The following TMEM178B variants were observed in gnomAD, a reference collection of about 807,000 sequenced individuals.
The protein encoded by TMEM178B is transmembrane protein 178B.
A neutral mutation model predicts 31.0 loss-of-function variants in TMEM178B; 5 were observed. That is an observed-to-expected ratio of 0.16 (90% CI 0.08 to 0.34). The LOEUF is 0.34. Among genes scored for constraint, TMEM178B ranks in the 10% least tolerant of loss-of-function variants. The pLI is 1.00. For synonymous variants in TMEM178B, 164 were observed against 164.0 expected, an observed-to-expected ratio of 1.00 and a Z score of 0.00; for missense variants, 275 against 400.3, an observed-to-expected ratio of 0.69 and a Z score of 2.67.
At chr7:141,111,924 T>C (rs1454795203) in intron 1 of TMEM178B, among the ~76,000 whole-genome samples, 1 of 152,230 alleles carries the variant, frequency 6.6e-6, no homozygotes, top group Non-Finnish European at 1.5e-5. Context: ...CTGAAGTGTG[T>C]GTATTAATTT....
chr7:141,231,325 A>AG (rs1797440094), intron 2 of TMEM178B, among the ~76,000 whole-genome samples: 1 of 151,558 alleles, frequency 6.6e-6, no homozygotes, highest in African/African-American at 2.4e-5. Flanking sequence ...AAAAAAAAAA[A>AG]CACGACAAGG....
rs76513490 is a variant in TMEM178B at position 141,446,827 on chromosome 7, A to G, written c.634+9082A>G. Among the ~76,000 whole-genome samples the G allele has an allele frequency of 4.6e-5, 7 of 152,250 alleles. No individual in the cohort carries two copies. In the East Asian group the frequency reaches 1.2e-3, roughly 25 times the overall value. ...TGAAGGGCTCACAACAATGCCTGGC[A>G]TTGTGCTGAATACCTTTTAAGTTAT... On this transcript the variant is annotated intron_variant, in intron 3 of 3. Transcript: ENST00000565468.
At chr7:141,335,565 A>C (rs987748994) in intron 2 of TMEM178B, among the ~76,000 whole-genome samples, 1 of 152,184 alleles carries the variant, frequency 6.6e-6, no homozygotes, top group African/African-American at 2.4e-5. Context: ...CCCCCAGCTC[A>C]TGAGAAGTTT....
intron 2 of TMEM178B, among the ~76,000 whole-genome samples, chr7:141,250,606 G>A (rs1170658035): frequency 6.6e-6 from 1 of 152,106 alleles, no homozygotes; most frequent in African/African-American, 2.4e-5. Context: ...GCTAAGTGGG[G>A]GCTCTGTGCT....
chr7:141,275,275 C>G (rs1224941094), intron 2 of TMEM178B, among the ~76,000 whole-genome samples: 1 of 152,204 alleles, frequency 6.6e-6, no homozygotes, highest in African/African-American at 2.4e-5. Context: ...CCCAGCAAGG[C>G]TCTACCCAAG....
intron 1 of TMEM178B, among the ~76,000 whole-genome samples, chr7:141,156,681 T>G (rs1248323307): frequency 6.6e-6 from 1 of 152,256 alleles, no homozygotes; most frequent in African/African-American, 2.4e-5. Flanking sequence ...CTTGCTTTCA[T>G]GCTTTTTGAC....
At chr7:141,401,592 T>TA (rs1800773358) in intron 2 of TMEM178B, among the ~76,000 whole-genome samples, 1 of 152,234 alleles carries the variant, frequency 6.6e-6, no homozygotes, top group African/African-American at 2.4e-5. Context: ...TTTTTTTATT[T>TA]TTTTATTTTT....
intron 2 of TMEM178B, among the ~76,000 whole-genome samples, chr7:141,217,544 T>TG (rs1002022998): frequency 2.0e-5 from 3 of 152,266 alleles, no homozygotes; most frequent in African/African-American, 7.2e-5. Context: ...TGCCTGAGGT[T>TG]GCAGGGCAGA....
intron 2 of TMEM178B, among the ~76,000 whole-genome samples, chr7:141,332,811 G>A (rs1210990139): frequency 6.6e-6 from 1 of 152,194 alleles, no homozygotes; most frequent in East Asian, 1.9e-4. Context: ...CCACCTTGTA[G>A]TGAGTGTTGC....
intron 2 of TMEM178B, among the ~76,000 whole-genome samples, chr7:141,221,206 T>G (rs1797252045): frequency 6.6e-6 from 1 of 152,226 alleles, no homozygotes; most frequent in Non-Finnish European, 1.5e-5. Flanking sequence ...CTTTGTCCTC[T>G]AGGGGAACTG....
chr7:141,129,161 C>T (rs1475864736), intron 1 of TMEM178B, among the ~76,000 whole-genome samples: 4 of 152,140 alleles, frequency 2.6e-5, no homozygotes, highest in African/African-American at 4.8e-5. Context: ...GATGTTCATT[C>T]GTGTGTCCTG....
chr7:141,413,463 C>T (rs1801032484), intron 2 of TMEM178B, among the ~76,000 whole-genome samples: 1 of 152,186 alleles, frequency 6.6e-6, no homozygotes, highest in Non-Finnish European at 1.5e-5. Context: ...ATTAAAAAGA[C>T]TTCTGCCCAT....
At chr7:141,243,169 T>C (rs1214030964) in intron 2 of TMEM178B, among the ~76,000 whole-genome samples, 4 of 152,108 alleles carry the variant, frequency 2.6e-5, no homozygotes. Flanking sequence ...TTGCCTTTTT[T>C]TCGGGTCATT....
At position 141,472,383 on chromosome 7, in the gene TMEM178B, C is replaced by T. The variant is rs1010048829; in HGVS notation, c.*1597C>T. On this transcript the variant is annotated 3_prime_UTR_variant, in exon 4 of 4. Transcript: ENST00000565468. The stretch of plus-strand genomic sequence containing the variant: ...CCAAACAGAGGTGGAATAAATCCAC[C>T]CCAGTGTCTCGGGCTCATTTGAGCA... 5.9e-5 allele frequency: 9 copies of T among 152,138 alleles called. No individual in the cohort carries two copies. Among genetic ancestry groups the T allele is most frequent in the African/African-American group, 2.2e-4 (9 of 41,422 alleles). 9.4% of individuals were successfully genotyped at this position (152,138 alleles called of 1,614,324 possible). A position where few individuals can be genotyped will look rare whatever the true frequency, so the allele number is the denominator to read the frequency against.
At chr7:141,214,689 A>G (rs1402081145) in intron 2 of TMEM178B, among the ~76,000 whole-genome samples, 2 of 152,110 alleles carry the variant, frequency 1.3e-5, no homozygotes, top group Admixed American at 6.6e-5. Flanking sequence ...CAGAGAGGAG[A>G]GGATAATGCC....
chr7:141,437,750 G>A lies in TMEM178B; in HGVS notation c.634+5G>A. 6.5e-7 allele frequency: 1 copy of A among 1,536,172 alleles called. No individual in the cohort carries two copies. Among genetic ancestry groups the A allele is most frequent in the Non-Finnish European group, 8.7e-7 (1 of 1,146,882 alleles). ...GGCTGCTCTTCCTCATGGGAGGTAAGGCTACGGGCTCGGCTTGTGGGTGGC... is the reference window on the plus strand; with the variant it reads ...GGCTGCTCTTCCTCATGGGAGGTAAAGCTACGGGCTCGGCTTGTGGGTGGC... On this transcript the variant is annotated splice_donor_5th_base_variant and intron_variant, in intron 3 of 3. Transcript: ENST00000565468.
rs1802235279 is a variant in TMEM178B, at chr7:141,471,159, CG to C, written c.*374del. ...CACCCACTGGGTCAACGGGAGAGGA[CG>C]CCACCCCTAACCAGTCATATCACAG... is the stretch of plus-strand genomic sequence containing the variant. On this transcript the variant is annotated 3_prime_UTR_variant, in exon 4 of 4. Transcript: ENST00000565468. The surrounding 1 kb of genome is among the most constrained non-coding windows in gnomAD (Gnocchi z 4.1). 1 of 152,156 alleles carries C rather than the reference CG, an allele frequency of 6.6e-6. No homozygotes were observed. Among genetic ancestry groups the C allele is most frequent in the East Asian group, 1.9e-4 (1 of 5,184 alleles). The allele number at this position is 152,156 out of a possible 1,614,324, so 9.4% of individuals were successfully genotyped here. A position where few individuals can be genotyped will look rare whatever the true frequency, so the allele number is the denominator to read the frequency against.
chr7:141,220,517 TA>T (rs1191795771), intron 2 of TMEM178B, among the ~76,000 whole-genome samples: 51 of 151,242 alleles, frequency 3.4e-4, no homozygotes, highest in Admixed American at 3.4e-3. Flanking sequence ...TGAGATGACC[TA>T]GGGGGAGGGA....
the TMEM178B span, among the ~76,000 whole-genome samples, chr7:141,509,378 G>A: frequency 3.9e-5 from 6 of 152,132 alleles, no homozygotes; most frequent in South Asian, 2.1e-4. Context: ...GGCCAGGCAC[G>A]GTGGCTCATG....
Sources: allele counts gnomAD v4.1 joint callset (sites outside exome capture counted in the v4.1 genomes callset), GRCh38; gene constraint gnomAD v4.1.1; non-coding constraint Gnocchi (gnomAD v3.1); transcripts MANE v1.5; gene names NCBI Gene and HGNC (gene_info 2026-07-23, HGNC 2026-07-21).